CD48: variants seen among roughly 807,000 people sequenced by gnomAD.
CD48 encodes CD48 molecule, also known as CD48 antigen.
In CD48, 20 loss-of-function variants were observed where a neutral mutation model predicts 22.0. That is an observed-to-expected ratio of 0.91 (90% CI 0.64 to 1.32). CD48 has a LOEUF of 1.32. Among genes scored for constraint, CD48 ranks in the 40% most tolerant of loss-of-function variants. CD48 has a pLI of 0.00. For synonymous variants in CD48, 110 were observed against 110.1 expected, an observed-to-expected ratio of 1.00 and a Z score of 0.01; for missense variants, 307 against 286.5, an observed-to-expected ratio of 1.07 and a Z score of -0.52.
chr1:160,709,744 T>G (rs1279499533), intron 1 of CD48, among the ~76,000 whole-genome samples: 1 of 152,202 alleles, frequency 6.6e-6, no homozygotes, highest in Non-Finnish European at 1.5e-5. Context: ...TATGGATGTG[T>G]AGTCCAAAAG....
chr1:160,692,784 C>A (rs1459813815), intron 1 of CD48, among the ~76,000 whole-genome samples: 3 of 152,198 alleles, frequency 2.0e-5, no homozygotes, highest in Non-Finnish European at 4.4e-5. Context: ...GAGGGAGAGC[C>A]TCTCACAGTT....
At chr1:160,694,797 A>G (rs1412459023) in intron 1 of CD48, among the ~76,000 whole-genome samples, 1 of 152,174 alleles carries the variant, frequency 6.6e-6, no homozygotes, top group East Asian at 1.9e-4. Context: ...CCATACCGTT[A>G]ACTTGGAAAA....
intron 1 of CD48, among the ~76,000 whole-genome samples, chr1:160,686,898 G>A (rs890806452): frequency 9.9e-5 from 15 of 152,064 alleles, no homozygotes; most frequent in African/African-American, 2.9e-4. Flanking sequence ...ATGAAGTTTC[G>A]GGCACCATTG....
intron 1 of CD48, among the ~76,000 whole-genome samples, chr1:160,690,243 T>C (rs963410619): frequency 2.0e-5 from 3 of 152,200 alleles, no homozygotes; most frequent in African/African-American, 7.2e-5. Context: ...AAAGCAAGAA[T>C]ACAGATGTTT....
chr1:160,686,255 T>C (rs1293164893), intron 1 of CD48, among the ~76,000 whole-genome samples: 1 of 151,860 alleles, frequency 6.6e-6, no homozygotes, highest in Admixed American at 6.6e-5. Context: ...TAGGGGAGAA[T>C]GGGACTGATA....
chr1:160,700,868 G>T (rs771071516), intron 1 of CD48, among the ~76,000 whole-genome samples: 2 of 152,100 alleles, frequency 1.3e-5, no homozygotes, highest in East Asian at 3.9e-4. Context: ...GTGGTCTGAT[G>T]AATTTTATCT....
At chr1:160,694,713 A>T (rs575434187) in intron 1 of CD48, among the ~76,000 whole-genome samples, 1 of 152,270 alleles carries the variant, frequency 6.6e-6, no homozygotes, top group Admixed American at 6.5e-5. Flanking sequence ...GTTCCAATTG[A>T]GGCTAAAATA....
At chr1:160,682,828 G>T (rs906061037) in intron 2 of CD48, among the ~76,000 whole-genome samples, 4 of 152,228 alleles carry the variant, frequency 2.6e-5, no homozygotes, top group Non-Finnish European at 5.9e-5. Flanking sequence ...CCCAGCATCT[G>T]GTCCTTCCTT....
Position 160,679,097 on chromosome 1 carries a change from C to T in CD48, c.687G>A (p.Trp229Ter), listed in dbSNP as rs1175651461. The T allele has an allele frequency of 3.7e-6, 6 of 1,614,076 alleles. No individual in the cohort carries two copies. The highest frequency in any genetic ancestry group is 5.1e-6 in the Non-Finnish European group (6 of 1,179,990). The change falls in exon 4 of 4, where the codon TGG becomes TGA. Residue 229 changes from tryptophan to a stop codon, truncating the protein, a stop_gained. Coordinates refer to ENST00000368046, the MANE Select transcript of CD48 (RefSeq NM_001778.4). LOFTEE classifies it low-confidence loss of function (END_TRUNC). ...RSFGVEWIAS[W>*]LVVTVPTILG... The stretch of plus-strand genomic sequence containing the variant: ...GAATGGTGGGCACCGTGACCACTAG[C>T]CAACTTGCAATCCATTCTACTCCAA...
chr1:160,689,191 A>C (rs1003360960), intron 1 of CD48, among the ~76,000 whole-genome samples: 1 of 152,216 alleles, frequency 6.6e-6, no homozygotes, highest in African/African-American at 2.4e-5. Context: ...AACCAGGTGC[A>C]TGTCCGAGGC....
intron 1 of CD48, among the ~76,000 whole-genome samples, chr1:160,687,264 C>A (rs1329207820): frequency 7.3e-6 from 1 of 137,366 alleles, no homozygotes; most frequent in Non-Finnish European, 1.7e-5. Context: ...TTGCTGTTAT[C>A]TTGTTCTTTT....
At chr1:160,702,824 T>A (rs1044595895) in intron 1 of CD48, among the ~76,000 whole-genome samples, 2 of 152,144 alleles carry the variant, frequency 1.3e-5, no homozygotes, top group Non-Finnish European at 2.9e-5. Context: ...AAATTTTGCG[T>A]TGGACAGAAT....
intron 1 of CD48, among the ~76,000 whole-genome samples, chr1:160,685,471 C>T (rs954585868): frequency 6.6e-6 from 1 of 152,174 alleles, no homozygotes; most frequent in Non-Finnish European, 1.5e-5. Context: ...TTGGGCCTGG[C>T]TCTCTCCCTT....
chr1:160,703,902 G>A (rs528673754), intron 1 of CD48, among the ~76,000 whole-genome samples: 8 of 152,296 alleles, frequency 5.3e-5, no homozygotes, highest in African/African-American at 1.9e-4. Context: ...AGGAGGTGGC[G>A]AGTGGGTAGT....
intron 1 of CD48, among the ~76,000 whole-genome samples, chr1:160,690,288 G>A (rs1662163131): frequency 6.6e-6 from 1 of 152,192 alleles, no homozygotes; most frequent in Admixed American, 6.5e-5. Flanking sequence ...TGTTTGTCAA[G>A]TAGCCCAGAT....
chr1:160,679,761 A>C (rs562081564), intron 3 of CD48, among the ~76,000 whole-genome samples: 6 of 152,216 alleles, frequency 3.9e-5, no homozygotes, highest in African/African-American at 1.2e-4. Context: ...TTCCAAAAAA[A>C]ATGGATTTAT....
At chr1:160,706,835 G>A (rs1046355954) in intron 1 of CD48, among the ~76,000 whole-genome samples, 1 of 152,116 alleles carries the variant, frequency 6.6e-6, no homozygotes, top group Non-Finnish European at 1.5e-5. Flanking sequence ...CATAATCCCA[G>A]GACCATAGAG....
At chr1:160,681,078 C>T in intron 3 of CD48, 124 bp downstream of exon 3, 1 of 1,546,380 alleles carries the variant, frequency 6.5e-7, no homozygotes, top group East Asian at 2.4e-5. Context: ...CCCAGCTCTC[C>T]CAGACACCTT....
At chr1:160,700,666 G>A (rs1440563665) in intron 1 of CD48, among the ~76,000 whole-genome samples, 2 of 152,126 alleles carry the variant, frequency 1.3e-5, no homozygotes, top group Non-Finnish European at 1.5e-5. Flanking sequence ...GTGGAGATTG[G>A]AATCTCCCCG....
Sources: allele counts gnomAD v4.1 joint callset (sites outside exome capture counted in the v4.1 genomes callset), GRCh38; gene constraint gnomAD v4.1.1; transcripts MANE v1.5; gene names NCBI Gene and HGNC (gene_info 2026-07-23, HGNC 2026-07-21).